Variants in ADGRV1 observed in about 807,000 individuals in gnomAD.
ADGRV1 encodes the protein G-protein coupled receptor 98.
Under a neutral mutation model 596.2 loss-of-function variants are expected in ADGRV1, and 359 were observed. The ratio of observed to expected loss-of-function variants is 0.60; its 90% CI spans 0.55 to 0.66. The LOEUF (loss-of-function observed/expected upper bound fraction) is 0.66. Ranked by LOEUF, ADGRV1 falls within the 30% of genes least tolerant of loss-of-function variation. The probability of loss-of-function intolerance (pLI) is 0.00; values close to 1 mark genes in which losing one functional copy is unlikely to be tolerated. For synonymous variants in ADGRV1, 2,681 were observed against 2,679.2 expected (o/e 1.00, Z -0.02); for missense variants, 7,274 against 7,575.6 (o/e 0.96, Z 1.48).
intron 1 of ADGRV1, among the ~76,000 whole-genome samples, chr5:90,595,546 G>A (rs528791803): frequency 1.0e-3 from 134 of 129,614 alleles, no homozygotes; most frequent in African/African-American, 2.6e-3. Context: ...TGGACGGGGC[G>A]GCTGGCCGGG....
chr5:90,757,111 C>G lies in ADGRV1; in HGVS notation c.11890C>G (p.Leu3964Val). The G allele has an allele frequency of 6.2e-7, 1 of 1,613,906 alleles. No homozygotes were observed. The highest frequency in any genetic ancestry group is 1.7e-5 in the Admixed American group (1 of 60,016). Residue 3964 changes from leucine to valine, a missense_variant, in exon 57 of 90, where the codon CTG becomes GTG. This residue lies in a region of ADGRV1 where 3,643 missense variants were observed against 3,809.2 expected (regional missense o/e 0.96). Transcript: ENST00000405460. The stretch of plus-strand genomic sequence containing the variant: ...GAAAGCATCACCAGACAGTGCTGGC[C>G]TGGAAGACTTTAAACCATCTCATGG... Reference protein sequence around the residue: ...YWKASPDSAGLEDFKPSHGIL... With the variant: ...YWKASPDSAGVEDFKPSHGIL...
At chr5:91,014,654 C>T (rs938637925) in intron 85 of ADGRV1, among the ~76,000 whole-genome samples, 5 of 151,668 alleles carry the variant, frequency 3.3e-5, no homozygotes, top group African/African-American at 4.8e-5. Context: ...TTATCCATCT[C>T]TTCTAGGTTT....
At chr5:90,942,061 T>C (rs1289272240) in intron 83 of ADGRV1, among the ~76,000 whole-genome samples, 2 of 152,210 alleles carry the variant, frequency 1.3e-5, no homozygotes, top group African/African-American at 4.8e-5. Flanking sequence ...GAAGCCTATC[T>C]TATCTAAACC....
intron 75 of ADGRV1, among the ~76,000 whole-genome samples, chr5:90,820,519 T>C (rs1035731171): frequency 6.6e-6 from 1 of 152,192 alleles, no homozygotes; most frequent in African/African-American, 2.4e-5. Context: ...CTCGATGGTC[T>C]TTACATTTTG....
At position 90,901,278 on chromosome 5, in the gene ADGRV1, G is replaced by A. The variant is rs146379654; in HGVS notation, c.17856+37421G>A. 2.1e-3 allele frequency among the ~76,000 whole-genome samples: 324 copies of A among 152,242 alleles called. 1 individual carries two copies. The highest frequency in any genetic ancestry group is 7.2e-3 in the Admixed American group (110 of 15,282). ...GTTTGTAAGTGTTCATAAATGTGGA[G>A]CATTTCAAGCCAGATTCATCTTAGT... On this transcript the variant is annotated intron_variant, in intron 83 of 89. Coordinates refer to ENST00000405460, the MANE Select transcript of ADGRV1 (RefSeq NM_032119.4).
At chr5:91,009,021 T>C (rs1782513267) in intron 85 of ADGRV1, among the ~76,000 whole-genome samples, 1 of 152,170 alleles carries the variant, frequency 6.6e-6, no homozygotes, top group African/African-American at 2.4e-5. Context: ...GACCCTTAAA[T>C]TGATACTGAT....
chr5:90,653,398 A>G lies in ADGRV1; in HGVS notation c.3824A>G (p.Gln1275Arg), dbSNP rs1768923270. 2 of 1,613,986 alleles carry G rather than the reference A, an allele frequency of 1.2e-6. No homozygotes were observed. Among genetic ancestry groups the G allele is most frequent in the Non-Finnish European group, 1.7e-6 (2 of 1,179,884 alleles). ...ACCAACTTCACCATTTTGAGGCAGCAGGGTGTGTTTGGTGATGTACAACTG... is the reference window on the plus strand; with the variant it reads ...ACCAACTTCACCATTTTGAGGCAGCGGGGTGTGTTTGGTGATGTACAACTG... ...YITNFTILRQ[Q>R]GVFGDVQLGW... Residue 1275 changes from glutamine (Q) to arginine (R), a missense_variant, in exon 20 of 90, where the codon CAG becomes CGG. Around this residue, in one of 5 missense-constraint regions of ADGRV1, gnomAD observed 1,715 missense variants for 1,708.8 expected, o/e 1.00. Transcript: ENST00000405460.
At chr5:90,896,738 A>G (rs1202466969) in intron 83 of ADGRV1, among the ~76,000 whole-genome samples, 1 of 152,218 alleles carries the variant, frequency 6.6e-6, no homozygotes, top group Non-Finnish European at 1.5e-5. Context: ...TTTGCATTAG[A>G]AGTGAAACTA....
intron 89 of ADGRV1, among the ~76,000 whole-genome samples, chr5:91,163,190 A>G (rs1797096308): frequency 6.6e-6 from 1 of 152,194 alleles, no homozygotes. Context: ...AACAGTAACT[A>G]CTGTGGTGGA....
chr5:90,757,841 CTT>C (rs1473904733), intron 57 of ADGRV1, among the ~76,000 whole-genome samples: 5 of 152,080 alleles, frequency 3.3e-5, no homozygotes, highest in Non-Finnish European at 5.9e-5. Context: ...ATGTTAGTAA[CTT>C]TAACTAGCAC....
chr5:90,853,879 G>A (rs920767356), intron 80 of ADGRV1, among the ~76,000 whole-genome samples, 183 bp from the exon 81 acceptor site: 1 of 152,074 alleles, frequency 6.6e-6, no homozygotes, highest in African/African-American at 2.4e-5. Flanking sequence ...GCTAAGGCGG[G>A]GTAGAAAGGG....
intron 86 of ADGRV1, among the ~76,000 whole-genome samples, chr5:91,084,289 C>T (rs1004792468): frequency 2.0e-5 from 3 of 151,954 alleles, no homozygotes; most frequent in African/African-American, 7.2e-5. Flanking sequence ...TGCCAATCAC[C>T]CAACCTACAG....
At chr5:90,905,885 T>C (rs1772277691) in intron 83 of ADGRV1, among the ~76,000 whole-genome samples, 1 of 152,054 alleles carries the variant, frequency 6.6e-6, no homozygotes, top group Non-Finnish European at 1.5e-5. Flanking sequence ...TGTGGCTTTA[T>C]TGCATTGAGA....
intron 87 of ADGRV1, among the ~76,000 whole-genome samples, chr5:91,122,526 C>T (rs1022196905): frequency 6.6e-6 from 1 of 152,168 alleles, no homozygotes; most frequent in African/African-American, 2.4e-5. Context: ...AGTCATAGCA[C>T]ATTACTACTT....
intron 17 of ADGRV1, among the ~76,000 whole-genome samples, chr5:90,650,345 C>A (rs1204813601): frequency 6.6e-6 from 1 of 152,074 alleles, no homozygotes; most frequent in Admixed American, 6.6e-5. Flanking sequence ...ATAATAGAAC[C>A]CTGCCAAAAT....
chr5:90,683,411 C>T (rs942397039), intron 27 of ADGRV1, among the ~76,000 whole-genome samples, 175 bp from the exon 28 acceptor site: 7 of 152,122 alleles, frequency 4.6e-5, no homozygotes, highest in Admixed American at 2.0e-4. Flanking sequence ...TTGTAAGACT[C>T]TCTGTGGGCC....
At chr5:90,755,841 A>C (rs995365639) in intron 55 of ADGRV1, among the ~76,000 whole-genome samples, 4 of 148,670 alleles carry the variant, frequency 2.7e-5, no homozygotes, top group African/African-American at 9.8e-5. Flanking sequence ...AATATATTAT[A>C]TGTTATTAAA....
chr5:90,958,695 G>A (rs1295659418), intron 83 of ADGRV1, among the ~76,000 whole-genome samples: 1 of 152,068 alleles, frequency 6.6e-6, no homozygotes, highest in Non-Finnish European at 1.5e-5. Context: ...GCGTGTCTGT[G>A]TCCAAAATTT....
At chr5:91,011,593 A>G (rs1020858604) in intron 85 of ADGRV1, among the ~76,000 whole-genome samples, 2 of 152,142 alleles carry the variant, frequency 1.3e-5, no homozygotes, top group Non-Finnish European at 2.9e-5. Context: ...TACATTGTGT[A>G]TATATCCAAC....
Sources: allele counts gnomAD v4.1 joint callset (sites outside exome capture counted in the v4.1 genomes callset), GRCh38; gene constraint gnomAD v4.1.1; regional missense constraint gnomAD v4.1.1; transcripts MANE v1.5; gene names NCBI Gene and HGNC (gene_info 2026-07-23, HGNC 2026-07-21).